GRM1: variants seen among roughly 807,000 people sequenced by gnomAD.
GRM1 encodes the protein metabotropic glutamate receptor 1.
Under a neutral mutation model 90.9 loss-of-function variants are expected in GRM1, and 33 were observed. The ratio of observed to expected loss-of-function variants is 0.36; its 90% CI spans 0.28 to 0.49. The LOEUF (loss-of-function observed/expected upper bound fraction) is 0.49. Ranked by LOEUF, GRM1 falls within the 20% of genes least tolerant of loss-of-function variation. The pLI, the probability that GRM1 is intolerant of heterozygous loss-of-function variation, is 0.99. For missense variants in GRM1, 1,190 were observed against 1,534.3 expected (o/e 0.78, Z 3.75); for synonymous variants, 700 against 613.2 (o/e 1.14, Z -2.09).
intron 3 of GRM1, among the ~76,000 whole-genome samples, chr6:146,321,911 T>G (rs1784203194): frequency 6.6e-6 from 1 of 152,182 alleles, no homozygotes; most frequent in South Asian, 2.1e-4. Context: ...GTCTTGACTC[T>G]TTATCCAATT....
At chr6:146,211,848 C>G (rs1244828592) in intron 2 of GRM1, among the ~76,000 whole-genome samples, 1 of 151,986 alleles carries the variant, frequency 6.6e-6, no homozygotes, top group Admixed American at 6.6e-5. Context: ...CTGGGCTAAC[C>G]CAGAGAACAA....
chr6:146,372,700 C>A (rs908140223), intron 5 of GRM1, among the ~76,000 whole-genome samples: 1 of 152,086 alleles, frequency 6.6e-6, no homozygotes, highest in African/African-American at 2.4e-5. Flanking sequence ...TCCCCAGCAC[C>A]ATTTATTAAA....
intron 7 of GRM1, among the ~76,000 whole-genome samples, chr6:146,428,015 G>C (rs1778276364): frequency 6.6e-6 from 1 of 152,196 alleles, no homozygotes; most frequent in Non-Finnish European, 1.5e-5. Flanking sequence ...AAAAGTAAAA[G>C]CTGAATGTGG....
At chr6:146,350,499 C>T (rs1785365982) in intron 3 of GRM1, among the ~76,000 whole-genome samples, 1 of 150,778 alleles carries the variant, frequency 6.6e-6, no homozygotes, top group Non-Finnish European at 1.5e-5. Context: ...TTGGTAATTT[C>T]TATGATTCTA....
intron 1 of GRM1, among the ~76,000 whole-genome samples, chr6:146,135,866 G>A (rs1776597596): frequency 2.0e-5 from 3 of 151,822 alleles, no homozygotes; most frequent in African/African-American, 7.3e-5. Flanking sequence ...ATCAAATACT[G>A]GATCTCATTC....
chr6:146,070,011 A>G (rs561551542), intron 1 of GRM1, among the ~76,000 whole-genome samples: 1 of 152,292 alleles, frequency 6.6e-6, no homozygotes, highest in African/African-American at 2.4e-5. Flanking sequence ...TAAATACCCC[A>G]AAAGTCTAAT....
intron 5 of GRM1, among the ~76,000 whole-genome samples, chr6:146,367,251 A>G (rs1775725671): frequency 6.6e-6 from 1 of 152,018 alleles, no homozygotes; most frequent in Non-Finnish European, 1.5e-5. Context: ...CGTCTGTTCC[A>G]CTGGCCTATG....
At chr6:146,229,904 G>A (rs974814490) in intron 2 of GRM1, among the ~76,000 whole-genome samples, 3 of 152,122 alleles carry the variant, frequency 2.0e-5, no homozygotes, top group Non-Finnish European at 4.4e-5. Flanking sequence ...AAATATAGAA[G>A]GTAGGATTTG....
chr6:146,138,489 G>C (rs1776711688), intron 1 of GRM1, among the ~76,000 whole-genome samples: 2 of 152,078 alleles, frequency 1.3e-5, no homozygotes, highest in African/African-American at 4.8e-5. Context: ...AAATTCAGCA[G>C]CAAAGCCATC....
chr6:146,327,667 T>C (rs966679228), intron 3 of GRM1, among the ~76,000 whole-genome samples: 4 of 152,160 alleles, frequency 2.6e-5, no homozygotes, highest in African/African-American at 9.7e-5. Flanking sequence ...CCTGAAGCTA[T>C]GCAAGTTCCT....
At chr6:146,228,809 T>C (rs903438461) in intron 2 of GRM1, among the ~76,000 whole-genome samples, 1 of 152,202 alleles carries the variant, frequency 6.6e-6, no homozygotes, top group African/African-American at 2.4e-5. Flanking sequence ...CAATTTTATC[T>C]TTTTATCAAT....
At chr6:146,198,542 T>C (rs1779198201) in intron 2 of GRM1, among the ~76,000 whole-genome samples, 1 of 152,180 alleles carries the variant, frequency 6.6e-6, no homozygotes, top group South Asian at 2.1e-4. Context: ...TTAGTAACAA[T>C]TGTACACTCA....
chr6:146,162,440 T>C (rs1777762136), intron 2 of GRM1, among the ~76,000 whole-genome samples: 1 of 152,214 alleles, frequency 6.6e-6, no homozygotes, highest in Non-Finnish European at 1.5e-5. Context: ...CATATTCAGA[T>C]GTGGACAACT....
chr6:146,434,858 T>G lies in GRM1; in HGVS notation c.*62T>G. On this transcript the variant is annotated 3_prime_UTR_variant, in exon 8 of 8. Transcript: ENST00000282753. ...GAGATCTCCCACACCTCCAGAGATG[T>G]GCAAACAGCTGGGAGGAAAAGCCTG... The G allele has an allele frequency of 7.1e-7, 1 of 1,407,206 alleles. No homozygotes were observed. The highest frequency in any genetic ancestry group is 9.9e-7 in the Non-Finnish European group (1 of 1,006,608). 87.2% of individuals were successfully genotyped at this position (1,407,206 alleles called of 1,614,324 possible).
intron 2 of GRM1, among the ~76,000 whole-genome samples, chr6:146,240,232 C>T (rs761181203): frequency 1.3e-5 from 2 of 151,918 alleles, no homozygotes; most frequent in Non-Finnish European, 2.9e-5. Context: ...CTGGCTCCGA[C>T]GTTTTGACTG....
chr6:146,405,631 T>C (rs2114607178), intron 7 of GRM1, among the ~76,000 whole-genome samples: 1 of 152,362 alleles, frequency 6.6e-6, no homozygotes, highest in South Asian at 2.1e-4. Context: ...CTCACATGAC[T>C]TCTTCTTTGG....
intron 6 of GRM1, among the ~76,000 whole-genome samples, chr6:146,388,008 A>G (rs2114533503): frequency 6.6e-6 from 1 of 152,206 alleles, no homozygotes; most frequent in East Asian, 1.9e-4. Flanking sequence ...AGTAAAACCA[A>G]TGGAACTCAG....
chr6:146,339,773 G>A (rs1373596525), intron 3 of GRM1, among the ~76,000 whole-genome samples: 2 of 152,182 alleles, frequency 1.3e-5, no homozygotes, highest in Non-Finnish European at 2.9e-5. Context: ...CAGGAATAGG[G>A]GAAGTGCTGT....
In GRM1 at chr6:146,382,571, T is replaced by G. The variant is rs577454140; in HGVS notation, c.1603-4319T>G. 9.2e-5 allele frequency among the ~76,000 whole-genome samples: 14 copies of G among 152,234 alleles called. No homozygotes were observed. The South Asian group carries it at 2.3e-3, about 25-fold the overall frequency. On this transcript the variant is annotated intron_variant, in intron 5 of 7. Transcript: ENST00000282753. ...TATGTAGGAAAGATGACATTCTAAA[T>G]AGAAGGTAATATGCATTTAAGCATA...
Sources: allele counts gnomAD v4.1 joint callset (sites outside exome capture counted in the v4.1 genomes callset), GRCh38; gene constraint gnomAD v4.1.1; transcripts MANE v1.5; gene names NCBI Gene and HGNC (gene_info 2026-07-23, HGNC 2026-07-21).